ASXL2: variants seen among roughly 807,000 people sequenced by gnomAD.
ASXL2 encodes the protein putative Polycomb group protein ASXL2.
A neutral mutation model predicts 122.0 loss-of-function variants in ASXL2; 23 were observed. The observed-to-expected ratio is 0.19, with a 90% confidence interval of 0.14 to 0.27. The LOEUF (loss-of-function observed/expected upper bound fraction) is 0.27. ASXL2 is among the 10% of genes least tolerant of loss of function. The pLI is 1.00. For missense variants in ASXL2, 1,518 were observed against 1,713.8 expected (o/e 0.89, Z 2.02); for synonymous variants, 650 against 637.0 (o/e 1.02, Z -0.31).
intron 1 of ASXL2, among the ~76,000 whole-genome samples, chr2:25,870,585 T>A (rs1055082865): frequency 1.3e-5 from 2 of 152,076 alleles, no homozygotes; most frequent in African/African-American, 4.8e-5. Context: ...GGCAGGAGGA[T>A]TGTTTGAGCC....
intron 9 of ASXL2, among the ~76,000 whole-genome samples, chr2:25,759,006 G>A (rs902800628): frequency 6.6e-6 from 1 of 151,570 alleles, no homozygotes; most frequent in Admixed American, 6.6e-5. Flanking sequence ...TCAGGCTGGC[G>A]TCCAGTGGCA....
At position 25,749,769 on chromosome 2, in the gene ASXL2, G is replaced by A; in HGVS notation, c.1787C>T (p.Pro596Leu). Reference sequence around the variant, plus strand: ...AAAGGGCTGTGGTGAGACCTGAAATGGCTGCTGGTGCTGGCGATTCTCAGT... The same window carrying A: ...AAAGGGCTGTGGTGAGACCTGAAATAGCTGCTGGTGCTGGCGATTCTCAGT... ...RVTENRQHQQ[P>L]FQVSPQPFLN... The change falls in exon 12 of 13, where the codon CCA becomes CTA. Residue 596 changes from proline to leucine, a missense_variant. By Grantham distance (98) the Pro-to-Leu change is moderately conservative. Coordinates refer to ENST00000435504, the MANE Select transcript of ASXL2 (RefSeq NM_018263.6). 1.3e-6 allele frequency: 2 copies of A among 1,595,416 alleles called. No homozygotes were observed. The highest frequency in any genetic ancestry group is 1.7e-6 in the Non-Finnish European group (2 of 1,174,066).
At chr2:25,751,818 G>A (rs1421655883) in intron 11 of ASXL2, among the ~76,000 whole-genome samples, 2 of 151,422 alleles carry the variant, frequency 1.3e-5, no homozygotes, top group East Asian at 3.9e-4. Context: ...GTCTCACTTC[G>A]TCGCCCAGGC....
chr2:25,833,064 G>A lies in ASXL2; in HGVS notation c.143+2474C>T, dbSNP rs929515622. Among the ~76,000 whole-genome samples, 44 of 152,132 alleles carry A rather than the reference G, an allele frequency of 2.9e-4. 1 individual carries two copies. The highest frequency in any genetic ancestry group is 8.8e-5 in the Non-Finnish European group (6 of 68,030). The stretch of plus-strand genomic sequence containing the variant: ...GGGAAGTACATGTGGTTTTAAAAGG[G>A]GAACACAAGGGATATTTGTTGAAAG... On this transcript the variant is annotated intron_variant, in intron 3 of 12. Coordinates refer to ENST00000435504, the MANE Select transcript of ASXL2 (RefSeq NM_018263.6).
At chr2:25,845,052 T>C (rs2089633708) in intron 2 of ASXL2, among the ~76,000 whole-genome samples, 2 of 152,256 alleles carry the variant, frequency 1.3e-5, no homozygotes, top group African/African-American at 2.4e-5. Context: ...TTGACATATA[T>C]ACTGCTTTAC....
intron 5 of ASXL2, among the ~76,000 whole-genome samples, chr2:25,781,058 C>T (rs1384771515): frequency 1.0e-5 from 1 of 97,626 alleles, no homozygotes; most frequent in Non-Finnish European, 2.4e-5. Context: ...CACTCCATCT[C>T]CAAAAAAAAA....
At position 25,762,494 on chromosome 2, in the gene ASXL2, C is replaced by T. The variant is rs375761234; in HGVS notation, c.776-2849G>A. On this transcript the variant is annotated intron_variant, in intron 8 of 12. Transcript: ENST00000435504. ...CAGCCTGGCCAACATGGTGAAAACC[C>T]ATTTCTACTAAAAGTAAAAAATTAG... 1.3e-4 allele frequency among the ~76,000 whole-genome samples: 19 copies of T among 151,376 alleles called. No individual in the cohort carries two copies. In the South Asian group the frequency reaches 4.0e-3, roughly 32 times the overall value.
At chr2:25,842,703 TATAGATAGATAG>T (rs61348346) in intron 2 of ASXL2, among the ~76,000 whole-genome samples, 3 of 150,270 alleles carry the variant, frequency 2.0e-5, no homozygotes, top group Non-Finnish European at 3.0e-5. Flanking sequence ...TATATATATA[TATAGATAGATAG>T]ATAGATAGAT....
chr2:25,878,238 G>C lies in ASXL2; in HGVS notation c.-16C>G. ...TTTCCCTCATGTCGGGTCTTGAACT[G>C]ACTGGGAGGCTCCCGTGTCCGGGCT... On this transcript the variant is annotated 5_prime_UTR_variant, in exon 1 of 13. Coordinates refer to ENST00000435504, the MANE Select transcript of ASXL2 (RefSeq NM_018263.6). 1 of 1,613,452 alleles carries C rather than the reference G, an allele frequency of 6.2e-7. No individual in the cohort carries two copies. The highest frequency in any genetic ancestry group is 8.5e-7 in the Non-Finnish European group (1 of 1,179,682).
chr2:25,742,937 C>A lies in ASXL2; in HGVS notation c.3400G>T (p.Gly1134Cys). 6.2e-7 allele frequency: 1 copy of A among 1,613,952 alleles called. No individual in the cohort carries two copies. Among genetic ancestry groups the A allele is most frequent in the South Asian group, 1.1e-5 (1 of 91,082 alleles). ...YLLNISTYGR[G>C]SESFRRTHSV... ...TGGGTCCTCCTAAAGCTCTCTGAGCCCCGGCCGTAGGTAGAAATATTCAGT... is the reference window on the plus strand; with the variant it reads ...TGGGTCCTCCTAAAGCTCTCTGAGCACCGGCCGTAGGTAGAAATATTCAGT... The change falls in exon 13 of 13, where the codon GGC becomes TGC. Residue 1134 changes from glycine to cysteine, a missense_variant. Physicochemically the swap from Gly to Cys is radical, Grantham distance 159. Coordinates refer to ENST00000435504, the MANE Select transcript of ASXL2 (RefSeq NM_018263.6).
intron 1 of ASXL2, among the ~76,000 whole-genome samples, chr2:25,854,933 A>G (rs966726438): frequency 1.3e-5 from 2 of 152,202 alleles, no homozygotes; most frequent in Admixed American, 6.5e-5. Flanking sequence ...GGCTTACTGT[A>G]GAGCACAAGC....
Position 25,878,339 on chromosome 2 carries a change from T to A in ASXL2, c.-117A>T. The A allele has an allele frequency of 1.1e-6, 1 of 928,382 alleles. No homozygotes were observed. The highest frequency in any genetic ancestry group is 1.6e-6 in the Non-Finnish European group (1 of 632,556). 57.5% of individuals were successfully genotyped at this position (928,382 alleles called of 1,614,324 possible). A position where few individuals can be genotyped will look rare whatever the true frequency, so the allele number is the denominator to read the frequency against. ...CGGGAAAGGTGGGAGAAAAGGGAAG[T>A]CAGACCGGGGGGGCACCCAAGCAGA... On this transcript the variant is annotated 5_prime_UTR_variant, in exon 1 of 13. The change abolishes the stop of an existing upstream ORF in the 5' untranslated region. Transcript: ENST00000435504.
chr2:25,776,869 A>G (rs2088554696), intron 5 of ASXL2, among the ~76,000 whole-genome samples: 1 of 152,230 alleles, frequency 6.6e-6, no homozygotes. Context: ...GCAGCCCAGA[A>G]AAGTGACAAT....
chr2:25,800,463 A>G (rs1282547181), intron 4 of ASXL2, among the ~76,000 whole-genome samples: 1 of 152,220 alleles, frequency 6.6e-6, no homozygotes, highest in Admixed American at 6.5e-5. Flanking sequence ...AAGTAGCAAG[A>G]ATTAAATAAA....
At chr2:25,875,961 ATTTTC>A (rs1219834487) in intron 1 of ASXL2, among the ~76,000 whole-genome samples, 4 of 151,926 alleles carry the variant, frequency 2.6e-5, no homozygotes, top group African/African-American at 9.7e-5. Context: ...TCCTTCTTTT[ATTTTC>A]ATCTATTTAT....
intron 1 of ASXL2, among the ~76,000 whole-genome samples, chr2:25,852,418 CATTAT>C (rs1233874571): frequency 1.3e-5 from 2 of 152,198 alleles, no homozygotes; most frequent in Non-Finnish European, 2.9e-5. Context: ...ATTACTATTA[CATTAT>C]GAGTTCATTC....
At chr2:25,809,847 G>C (rs2089139843) in intron 3 of ASXL2, 1 of 464,260 alleles carries the variant, frequency 2.2e-6, no homozygotes, top group African/African-American at 2.0e-5. Flanking sequence ...CAGTTATAAA[G>C]GTCAGCTTTG....
chr2:25,809,741 C>G (rs2089137712), intron 3 of ASXL2, among the ~76,000 whole-genome samples: 1 of 152,160 alleles, frequency 6.6e-6, no homozygotes, highest in Non-Finnish European at 1.5e-5. Context: ...AGGTGCACAG[C>G]CTCTAGCCCA....
At chr2:25,748,846 T>C (rs899732472) in intron 12 of ASXL2, among the ~76,000 whole-genome samples, 5 of 152,222 alleles carry the variant, frequency 3.3e-5, no homozygotes, top group Non-Finnish European at 7.3e-5. Context: ...AGATACTACC[T>C]AGAAGAATTT....
Sources: allele counts gnomAD v4.1 joint callset (sites outside exome capture counted in the v4.1 genomes callset), GRCh38; gene constraint gnomAD v4.1.1; transcripts MANE v1.5; gene names NCBI Gene and HGNC (gene_info 2026-07-23, HGNC 2026-07-21).